Variants in CNTN1 observed in about 807,000 individuals in gnomAD.
The protein encoded by CNTN1 is contactin-1.
In CNTN1, 38 loss-of-function variants were observed where a neutral mutation model predicts 126.4. The observed-to-expected ratio is 0.30, with a 90% confidence interval of 0.23 to 0.39. The LOEUF (loss-of-function observed/expected upper bound fraction) is 0.39. CNTN1 is among the 10% of genes least tolerant of loss of function. The pLI is 1.00. For synonymous variants in CNTN1, 413 were observed against 422.6 expected (o/e 0.98, Z 0.28); for missense variants, 1,009 against 1,248.4 (o/e 0.81, Z 2.89).
intron 1 of CNTN1, among the ~76,000 whole-genome samples, chr12:40,779,932 T>C (rs978739968): frequency 9.2e-5 from 14 of 152,074 alleles, no homozygotes; most frequent in Admixed American, 5.3e-4. Flanking sequence ...CTCTTTTACA[T>C]TGGAAGACTA....
intron 1 of CNTN1, among the ~76,000 whole-genome samples, chr12:40,786,723 A>C (rs1319188562): frequency 1.3e-5 from 2 of 152,160 alleles, no homozygotes; most frequent in Non-Finnish European, 2.9e-5. Context: ...CAGAGAAACA[A>C]GGGAAAGCAT....
chr12:40,937,533 G>A (rs1267641199), intron 10 of CNTN1, 37 bp from the exon 11 acceptor site: 1 of 1,312,366 alleles, frequency 7.6e-7, no homozygotes, highest in Admixed American at 1.7e-5. Flanking sequence ...TTCTATTAAA[G>A]TTCATTGAGA....
chr12:40,840,096 G>T (rs1204571525), intron 1 of CNTN1, among the ~76,000 whole-genome samples: 1 of 151,820 alleles, frequency 6.6e-6, no homozygotes, highest in Non-Finnish European at 1.5e-5. Flanking sequence ...CTACTAATAA[G>T]AAACTCACCT....
intron 3 of CNTN1, among the ~76,000 whole-genome samples, chr12:40,914,821 T>G (rs1427832195): frequency 6.6e-6 from 1 of 152,118 alleles, no homozygotes; most frequent in African/African-American, 2.4e-5. Flanking sequence ...AAAAGTAGCA[T>G]AAGGCACCAA....
Position 40,981,071 on chromosome 12 carries a change from A to T in CNTN1, c.1963+4A>T. The T allele has an allele frequency of 6.2e-7, 1 of 1,612,158 alleles. No homozygotes were observed. Among genetic ancestry groups the T allele is most frequent in the Non-Finnish European group, 8.5e-7 (1 of 1,179,612 alleles). On this transcript the variant is annotated splice_donor_region_variant and intron_variant, in intron 16 of 23. Transcript: ENST00000551295. ...GACTGGAAAGATGCAAAGACAGGTGAGTTTTATTTGTCTGATTAATCCGTG... is the reference window on the plus strand; with the variant it reads ...GACTGGAAAGATGCAAAGACAGGTGTGTTTTATTTGTCTGATTAATCCGTG...
chr12:41,010,803 G>A (rs567013885), intron 17 of CNTN1, among the ~76,000 whole-genome samples: 4 of 151,688 alleles, frequency 2.6e-5, no homozygotes, highest in Non-Finnish European at 5.9e-5. Flanking sequence ...TCCAATATGT[G>A]CATTAAATGG....
In CNTN1 at chr12:40,924,881, C is replaced by CATATATATATAT. The variant is rs138237336; in HGVS notation, c.496+235_496+246dup. On this transcript the variant is annotated intron_variant, in intron 6 of 23. Transcript: ENST00000551295. Reference sequence around the variant, plus strand: ...ATCTCTAATCATTTTAGTTTATAAACATATATATATATATATAGTATTATG... The same window carrying CATATATATATAT: ...ATCTCTAATCATTTTAGTTTATAAACATATATATATATATATATATATATATATAGTATTATG... 0.044 allele frequency among the ~76,000 whole-genome samples: 4,970 copies of CATATATATATAT among 112,022 alleles called. 522 individuals carry two copies. The highest frequency in any genetic ancestry group is 0.15 in the Admixed American group (1,687 of 11,300). The allele number at this position is 112,022 out of a possible 152,430, so 73.5% of individuals were successfully genotyped here. A position where few individuals can be genotyped will look rare whatever the true frequency, so the allele number is the denominator to read the frequency against.
At chr12:40,882,085 T>G (rs537703160) in intron 1 of CNTN1, among the ~76,000 whole-genome samples, 38 of 150,480 alleles carry the variant, frequency 2.5e-4, no homozygotes, top group Admixed American at 4.0e-4. Context: ...GGGGAAGGAG[T>G]ACAGGGACTG....
intron 1 of CNTN1, among the ~76,000 whole-genome samples, chr12:40,732,499 G>A (rs1942525236): frequency 6.6e-6 from 1 of 151,988 alleles, no homozygotes; most frequent in Admixed American, 6.6e-5. Context: ...AAATAATTAT[G>A]TAGACCATGC....
chr12:41,032,042 T>A (rs960494710), intron 23 of CNTN1, among the ~76,000 whole-genome samples: 1 of 152,160 alleles, frequency 6.6e-6, no homozygotes, highest in African/African-American at 2.4e-5. Context: ...TGTTCATTCA[T>A]TCATTCAACA....
At chr12:40,810,618 A>C (rs1941026462) in intron 1 of CNTN1, among the ~76,000 whole-genome samples, 1 of 150,882 alleles carries the variant, frequency 6.6e-6, no homozygotes, top group African/African-American at 2.4e-5. Flanking sequence ...TAGATTTCAC[A>C]TATAAGTGAG....
intron 23 of CNTN1, among the ~76,000 whole-genome samples, chr12:41,048,754 G>C (rs771025297): frequency 4.0e-5 from 6 of 151,888 alleles, no homozygotes; most frequent in Non-Finnish European, 5.9e-5. Context: ...GAAGGAAGGA[G>C]AGAAAGAGAA....
At chr12:41,013,988 C>T (rs1948725459) in intron 17 of CNTN1, among the ~76,000 whole-genome samples, 1 of 152,128 alleles carries the variant, frequency 6.6e-6, no homozygotes, top group Admixed American at 6.5e-5. Context: ...ACTGAAAGGA[C>T]AGGAAATGGG....
intron 1 of CNTN1, among the ~76,000 whole-genome samples, chr12:40,838,077 C>T (rs1349946133): frequency 6.6e-6 from 1 of 152,208 alleles, no homozygotes; most frequent in East Asian, 1.9e-4. Flanking sequence ...TTGCTTTCCC[C>T]ACTCGGGGTA....
intron 1 of CNTN1, among the ~76,000 whole-genome samples, chr12:40,699,258 AG>A (rs1482076298): frequency 1.3e-5 from 2 of 152,242 alleles, no homozygotes; most frequent in African/African-American, 4.8e-5. Context: ...AATGAATAAA[AG>A]AAGGTTAAGA....
intron 1 of CNTN1, among the ~76,000 whole-genome samples, chr12:40,845,556 A>T (rs7300865): frequency 6.6e-6 from 1 of 151,672 alleles, no homozygotes; most frequent in African/African-American, 2.4e-5. Context: ...TGTTAATGAG[A>T]TGGTGTTGAA....
intron 1 of CNTN1, among the ~76,000 whole-genome samples, chr12:40,897,246 G>A (rs1021391215): frequency 1.3e-5 from 2 of 152,078 alleles, no homozygotes; most frequent in Admixed American, 1.3e-4. Flanking sequence ...AAGCTTCAGA[G>A]ATTTGGATAT....
intron 21 of CNTN1, among the ~76,000 whole-genome samples, chr12:41,027,165 C>G (rs1051472385): frequency 2.6e-5 from 4 of 151,996 alleles, no homozygotes; most frequent in African/African-American, 4.8e-5. Context: ...TTTAGAGACT[C>G]AAGTAGAAAT....
intron 16 of CNTN1, among the ~76,000 whole-genome samples, chr12:40,991,617 C>T (rs558609084): frequency 1.1e-4 from 17 of 152,290 alleles, no homozygotes; most frequent in African/African-American, 3.9e-4. Context: ...ATCACGAGGT[C>T]AGGAGATCAA....
Sources: gnomAD v4.1 joint callset for allele counts (sites outside exome capture counted in the v4.1 genomes callset) on GRCh38, gnomAD v4.1.1 for gene constraint, MANE v1.5 for transcripts, NCBI Gene and HGNC (gene_info 2026-07-23, HGNC 2026-07-21) for gene names.